The following LCLAT1 variants were observed in gnomAD, a reference collection of about 807,000 sequenced individuals.
LCLAT1 encodes 1-AGP acyltransferase 8.
Under a neutral mutation model 30.7 loss-of-function variants are expected in LCLAT1, and 11 were observed. The ratio of observed to expected loss-of-function variants is 0.36; its 90% CI spans 0.23 to 0.59. The LOEUF is 0.59. Ranked by LOEUF, LCLAT1 falls within the 20% of genes least tolerant of loss-of-function variation. LCLAT1 has a pLI of 0.77. For missense variants in LCLAT1, 402 were observed against 458.6 expected (o/e 0.88, Z 1.13); for synonymous variants, 155 against 151.3 (o/e 1.02, Z -0.18).
At chr2:30,569,749 A>C (rs1338304953) in intron 5 of LCLAT1, among the ~76,000 whole-genome samples, 3 of 152,250 alleles carry the variant, frequency 2.0e-5, no homozygotes, top group African/African-American at 7.2e-5. Flanking sequence ...ATCAATTCAA[A>C]ATCACATGGT....
intron 2 of LCLAT1, among the ~76,000 whole-genome samples, chr2:30,529,853 C>G (rs961136957): frequency 1.3e-5 from 2 of 152,124 alleles, no homozygotes; most frequent in Admixed American, 1.3e-4. Context: ...ATTTGGAGAA[C>G]CAGACCTAAT....
intron 1 of LCLAT1, among the ~76,000 whole-genome samples, chr2:30,512,840 C>T (rs894222977): frequency 3.3e-5 from 5 of 152,080 alleles, no homozygotes; most frequent in Admixed American, 6.6e-5. Context: ...TATTGGTAGG[C>T]TTTATTATTG....
At chr2:30,610,340 A>T (rs1288728057) in intron 5 of LCLAT1, among the ~76,000 whole-genome samples, 3 of 152,052 alleles carry the variant, frequency 2.0e-5, no homozygotes, top group Non-Finnish European at 4.4e-5. Flanking sequence ...CCTGAAACAA[A>T]TTCTTTTTGT....
chr2:30,474,499 T>C (rs1416102418), intron 1 of LCLAT1, among the ~76,000 whole-genome samples: 4 of 152,186 alleles, frequency 2.6e-5, no homozygotes, highest in Non-Finnish European at 5.9e-5. Context: ...CCTCTTGCCT[T>C]AGCCTTCTGA....
intron 3 of LCLAT1, among the ~76,000 whole-genome samples, chr2:30,540,117 C>A (rs1030909579): frequency 6.6e-6 from 1 of 152,162 alleles, no homozygotes; most frequent in Non-Finnish European, 1.5e-5. Flanking sequence ...TGTTGTCACT[C>A]GGTTTCCCCA....
intron 5 of LCLAT1, among the ~76,000 whole-genome samples, chr2:30,617,669 A>G (rs1668058533): frequency 1.3e-5 from 2 of 152,032 alleles, no homozygotes; most frequent in Non-Finnish European, 1.5e-5. Flanking sequence ...AGCCTTTTTA[A>G]CCTAGCCATT....
chr2:30,495,776 A>G (rs1275823236), intron 1 of LCLAT1, among the ~76,000 whole-genome samples: 6 of 152,282 alleles, frequency 3.9e-5, no homozygotes, highest in Admixed American at 3.3e-4. Context: ...CTAAGCAGTC[A>G]GTAGGTATCA....
chr2:30,498,095 C>T (rs973253276), intron 1 of LCLAT1, among the ~76,000 whole-genome samples: 1 of 152,130 alleles, frequency 6.6e-6, no homozygotes, highest in Non-Finnish European at 1.5e-5. Context: ...GGAGCATGGA[C>T]ACCAAGGGTG....
intron 5 of LCLAT1, among the ~76,000 whole-genome samples, chr2:30,590,821 G>A (rs1666659958): frequency 1.3e-5 from 2 of 152,054 alleles, no homozygotes; most frequent in East Asian, 3.9e-4. Context: ...AAGTTCAAAG[G>A]CGTTAAATAT....
intron 1 of LCLAT1, among the ~76,000 whole-genome samples, chr2:30,493,066 C>A (rs945463027): frequency 6.6e-6 from 1 of 152,164 alleles, no homozygotes; most frequent in Non-Finnish European, 1.5e-5. Flanking sequence ...AAAGACACCT[C>A]CCTCCCAGGG....
intron 1 of LCLAT1, among the ~76,000 whole-genome samples, chr2:30,461,630 G>C (rs558552871): frequency 3.0e-4 from 46 of 152,196 alleles, no homozygotes; most frequent in South Asian, 1.2e-3. Context: ...CACAGAGCAA[G>C]GAAGTGTTGG....
chr2:30,603,964 TAAG>T (rs1324495801), intron 5 of LCLAT1, among the ~76,000 whole-genome samples: 1 of 152,148 alleles, frequency 6.6e-6, no homozygotes, highest in Non-Finnish European at 1.5e-5. Flanking sequence ...ATTTGTGGAA[TAAG>T]AAATGTAATT....
chr2:30,570,567 T>C (rs1010015678), intron 5 of LCLAT1, among the ~76,000 whole-genome samples: 1 of 152,158 alleles, frequency 6.6e-6, no homozygotes. Context: ...CTCATCAAAA[T>C]TATTGGAATA....
At chr2:30,462,041 G>C (rs1055319115) in intron 1 of LCLAT1, among the ~76,000 whole-genome samples, 1 of 151,890 alleles carries the variant, frequency 6.6e-6, no homozygotes, top group Non-Finnish European at 1.5e-5. Flanking sequence ...CAAAGTGCTG[G>C]GATTACAGGC....
At chr2:30,588,062 TAGA>T (rs1457836507) in intron 5 of LCLAT1, among the ~76,000 whole-genome samples, 1 of 152,238 alleles carries the variant, frequency 6.6e-6, no homozygotes, top group Non-Finnish European at 1.5e-5. Context: ...GACCCTCTGG[TAGA>T]AGCCTTCCTT....
In LCLAT1 at chr2:30,529,583, G is replaced by A. The variant is rs1439102247; in HGVS notation, c.166-3533G>A. On this transcript the variant is annotated intron_variant, in intron 2 of 5. Transcript: ENST00000379509. ...CTAACCGACAGTCTGATTACTACCT[G>A]GGATTATGAAAATTACTGGAGTTCT... is the stretch of plus-strand genomic sequence containing the variant. 2.0e-5 allele frequency among the ~76,000 whole-genome samples: 3 copies of A among 152,246 alleles called. No homozygotes were observed. The East Asian group carries it at 5.8e-4, about 29-fold the overall frequency.
At chr2:30,458,875 AAT>A (rs1681963273) in intron 1 of LCLAT1, among the ~76,000 whole-genome samples, 1 of 152,200 alleles carries the variant, frequency 6.6e-6, no homozygotes. Context: ...CTACTGTGTG[AAT>A]GTAAGAAGCT....
intron 5 of LCLAT1, among the ~76,000 whole-genome samples, chr2:30,624,141 A>G (rs998830572): frequency 6.6e-6 from 1 of 152,188 alleles, no homozygotes; most frequent in Non-Finnish European, 1.5e-5. Flanking sequence ...AATCCTCAAA[A>G]TACACCGAAA....
intron 1 of LCLAT1, among the ~76,000 whole-genome samples, chr2:30,493,031 C>A (rs1453385027): frequency 6.6e-6 from 1 of 152,102 alleles, no homozygotes; most frequent in African/African-American, 2.4e-5. Context: ...CTGCTGAACC[C>A]CATGTTTTTT....
Sources: gnomAD v4.1 joint callset for allele counts (sites outside exome capture counted in the v4.1 genomes callset) on GRCh38, gnomAD v4.1.1 for gene constraint, MANE v1.5 for transcripts, NCBI Gene and HGNC (gene_info 2026-07-23, HGNC 2026-07-21) for gene names.